The following ANTXR1 variants were observed in gnomAD, a reference collection of about 807,000 sequenced individuals.
ANTXR1 encodes the protein ANTXR cell adhesion molecule 1.
In ANTXR1, 19 loss-of-function variants were observed where a neutral mutation model predicts 78.1. The observed-to-expected ratio is 0.24, with a 90% confidence interval of 0.17 to 0.36. ANTXR1 has a LOEUF of 0.36. Ranked by LOEUF, ANTXR1 falls within the 10% of genes least tolerant of loss-of-function variation. ANTXR1 has a pLI of 1.00. For synonymous variants in ANTXR1, 273 were observed against 260.5 expected (o/e 1.05, Z -0.46); for missense variants, 518 against 718.6 (o/e 0.72, Z 3.19).
chr2:69,244,726 G>A (rs1296221665), intron 17 of ANTXR1, among the ~76,000 whole-genome samples: 1 of 152,196 alleles, frequency 6.6e-6, no homozygotes, highest in Non-Finnish European at 1.5e-5. Flanking sequence ...AATTACTTTT[G>A]TTTATGAAAT....
intron 8 of ANTXR1, among the ~76,000 whole-genome samples, chr2:69,079,413 G>A (rs372015781): frequency 2.6e-4 from 40 of 152,160 alleles, no homozygotes; most frequent in African/African-American, 9.2e-4. Flanking sequence ...GCGCAGACCC[G>A]AATCATTGAA....
chr2:69,096,321 GGAGGA>G lies in ANTXR1; in HGVS notation c.703+5403_703+5407del, dbSNP rs1671415439. Among the ~76,000 whole-genome samples, 8 of 7,920 alleles carry G rather than the reference GGAGGA, an allele frequency of 1.0e-3. 1 individual carries two copies. The highest frequency in any genetic ancestry group is 9.5e-3 in the African/African-American group (7 of 736). The allele number at this position is 7,920 out of a possible 152,430, so 5.2% of individuals were successfully genotyped here. Reference sequence around the variant, plus strand: ...GGGAGGAAGGGAGGAAGGGAGGAAGGGAGGAAGGGAGGAAGGGAGGAAGGGAGGAA... The same window carrying G: ...GGGAGGAAGGGAGGAAGGGAGGAAGGAGGGAGGAAGGGAGGAAGGGAGGAA... On this transcript the variant is annotated intron_variant, in intron 9 of 17. Coordinates refer to ENST00000303714, the MANE Select transcript of ANTXR1 (RefSeq NM_032208.3).
intron 13 of ANTXR1, among the ~76,000 whole-genome samples, chr2:69,159,156 T>A (rs1429854225): frequency 6.6e-6 from 1 of 152,198 alleles, no homozygotes; most frequent in East Asian, 1.9e-4. Context: ...TATCTAATAT[T>A]ATATAACAAG....
chr2:69,235,017 CTTT>C (rs748250586), intron 17 of ANTXR1, among the ~76,000 whole-genome samples: 801 of 83,100 alleles, frequency 9.6e-3, no homozygotes, highest in Non-Finnish European at 0.016. Context: ...ATGATGAAAG[CTTT>C]TTTTTTTTTT....
In ANTXR1 at chr2:69,166,443, C is replaced by A. The variant is rs115639755; in HGVS notation, c.1048-3805C>A. ...CATTTTTCCCGTCCCCTTTACCTCA[C>A]CAGCCCATCTCTTAGTGCAAAAGGG... On this transcript the variant is annotated intron_variant, in intron 13 of 17. Coordinates refer to ENST00000303714, the MANE Select transcript of ANTXR1 (RefSeq NM_032208.3). Among the ~76,000 whole-genome samples, 651 of 152,244 alleles carry A rather than the reference C, an allele frequency of 4.3e-3. 1 individual carries two copies. Among genetic ancestry groups the A allele is most frequent in the African/African-American group, 0.015 (629 of 41,538 alleles).
chr2:69,070,877 C>T, intron 4 of ANTXR1, 149 bp downstream of exon 4: 1 of 716,768 alleles, frequency 1.4e-6, no homozygotes, highest in South Asian at 1.6e-5. Context: ...AGCTTGTACA[C>T]TGACCACTCT....
intron 12 of ANTXR1, among the ~76,000 whole-genome samples, chr2:69,132,061 C>T (rs1672765241): frequency 6.6e-6 from 1 of 152,124 alleles, no homozygotes. Flanking sequence ...ATCTGCAGCA[C>T]AAGGTTGGAA....
chr2:69,217,232 CCA>C (rs2104505842), intron 17 of ANTXR1, among the ~76,000 whole-genome samples: 1 of 152,322 alleles, frequency 6.6e-6, no homozygotes, highest in African/African-American at 2.4e-5. Flanking sequence ...TCAGCAGTTC[CCA>C]CCAAAAGTGC....
At chr2:69,149,819 G>C (rs1310137043) in intron 12 of ANTXR1, among the ~76,000 whole-genome samples, 2 of 152,230 alleles carry the variant, frequency 1.3e-5, no homozygotes, top group East Asian at 3.9e-4. Flanking sequence ...GAGAGATTAA[G>C]AGGGTTGTCC....
At chr2:69,109,807 A>C (rs912826036) in intron 10 of ANTXR1, among the ~76,000 whole-genome samples, 3 of 152,208 alleles carry the variant, frequency 2.0e-5, no homozygotes, top group African/African-American at 7.2e-5. Context: ...AACATGAAGG[A>C]GCATACCATG....
At chr2:69,093,403 C>T (rs1365377716) in intron 9 of ANTXR1, among the ~76,000 whole-genome samples, 2 of 152,108 alleles carry the variant, frequency 1.3e-5, no homozygotes, top group African/African-American at 4.8e-5. Context: ...TGGAAAATTG[C>T]CTTTGTAAGT....
chr2:69,081,202 G>A (rs545640121), intron 8 of ANTXR1, among the ~76,000 whole-genome samples: 8 of 152,310 alleles, frequency 5.3e-5, no homozygotes, highest in African/African-American at 1.7e-4. Context: ...CTGCCCTCAG[G>A]TCTGCCCTCT....
intron 2 of ANTXR1, 134 bp from the exon 3 acceptor site, chr2:69,044,608 A>G (rs1669707529): frequency 2.3e-6 from 2 of 881,160 alleles, no homozygotes; most frequent in East Asian, 2.5e-5. Flanking sequence ...GCACCAGCCT[A>G]GGAGGCCCCC....
At chr2:69,097,729 G>A (rs563989164) in intron 9 of ANTXR1, among the ~76,000 whole-genome samples, 100 of 152,222 alleles carry the variant, frequency 6.6e-4, no homozygotes, top group African/African-American at 2.3e-3. Flanking sequence ...ATTCCACTCC[G>A]AGGTTTTACC....
chr2:69,238,226 G>A (rs895654093), intron 17 of ANTXR1, among the ~76,000 whole-genome samples: 1 of 152,250 alleles, frequency 6.6e-6, no homozygotes. Context: ...CAATCAACTG[G>A]TCCAATCAAC....
At chr2:69,138,143 G>T (rs985013969) in intron 12 of ANTXR1, among the ~76,000 whole-genome samples, 2 of 151,812 alleles carry the variant, frequency 1.3e-5, no homozygotes, top group African/African-American at 2.4e-5. Context: ...GTAGAGGGGG[G>T]AAGGAGTTGT....
chr2:69,097,935 A>G (rs943425754), intron 9 of ANTXR1, among the ~76,000 whole-genome samples: 1 of 152,270 alleles, frequency 6.6e-6, no homozygotes, highest in Admixed American at 6.5e-5. Context: ...AAATCTCAAC[A>G]TAATTGTGAC....
intron 13 of ANTXR1, among the ~76,000 whole-genome samples, chr2:69,158,613 C>T (rs1490884633): frequency 6.6e-6 from 1 of 152,222 alleles, no homozygotes; most frequent in Non-Finnish European, 1.5e-5. Flanking sequence ...AGAAAGCATA[C>T]TTCAAGTACC....
chr2:69,076,844 C>T (rs1270687962), intron 7 of ANTXR1, among the ~76,000 whole-genome samples: 3 of 152,222 alleles, frequency 2.0e-5, no homozygotes, highest in African/African-American at 2.4e-5. Flanking sequence ...ACACAGAGAT[C>T]TGGGGGCAGA....
Sources: allele counts gnomAD v4.1 joint callset (sites outside exome capture counted in the v4.1 genomes callset), GRCh38; gene constraint gnomAD v4.1.1; transcripts MANE v1.5; gene names NCBI Gene and HGNC (gene_info 2026-07-23, HGNC 2026-07-21).